KCNMB2: variants seen among roughly 807,000 people sequenced by gnomAD.
The protein encoded by KCNMB2 is potassium calcium-activated channel subfamily M regulatory beta subunit 2.
A neutral mutation model predicts 24.5 loss-of-function variants in KCNMB2; 9 were observed. That is an observed-to-expected ratio of 0.37 (90% CI 0.22 to 0.64). The LOEUF (loss-of-function observed/expected upper bound fraction) is 0.64. Ranked by LOEUF, KCNMB2 falls within the 30% of genes least tolerant of loss-of-function variation. The probability of loss-of-function intolerance (pLI) is 0.63; values close to 1 mark genes in which losing one functional copy is unlikely to be tolerated. For missense variants in KCNMB2, 226 were observed against 284.3 expected, an observed-to-expected ratio of 0.79 and a Z score of 1.47; for synonymous variants, 109 against 104.4, an observed-to-expected ratio of 1.04 and a Z score of -0.27.
chr3:178,744,785 C>A (rs897722284), intron 1 of KCNMB2, among the ~76,000 whole-genome samples: 1 of 152,144 alleles, frequency 6.6e-6, no homozygotes, highest in African/African-American at 2.4e-5. Context: ...AGCCATAAAT[C>A]CCCACAGCCT....
intron 1 of KCNMB2, among the ~76,000 whole-genome samples, chr3:178,653,001 C>T (rs1380588072): frequency 6.6e-6 from 1 of 152,030 alleles, no homozygotes; most frequent in Admixed American, 6.6e-5. Context: ...TAAGATTACC[C>T]TAAAATTTTT....
At chr3:178,841,547 T>C (rs1371109833) in intron 4 of KCNMB2, 1 of 152,206 alleles carries the variant, frequency 6.6e-6, no homozygotes, top group Non-Finnish European at 1.5e-5. Context: ...TAACTCACAG[T>C]TCCACATGGA....
At chr3:178,671,231 A>T (rs186086534) in intron 1 of KCNMB2, among the ~76,000 whole-genome samples, 31 of 152,102 alleles carry the variant, frequency 2.0e-4, no homozygotes, top group African/African-American at 6.8e-4. Flanking sequence ...GTTTCCAAAA[A>T]CTTCTAGGCC....
At chr3:178,539,470 T>C (rs888077493) in intron 1 of KCNMB2, among the ~76,000 whole-genome samples, 19 of 152,154 alleles carry the variant, frequency 1.2e-4, no homozygotes, top group Admixed American at 9.8e-4. Flanking sequence ...GAATAAGACA[T>C]ATCATAAAAG....
intron 1 of KCNMB2, among the ~76,000 whole-genome samples, chr3:178,597,656 A>T (rs1321990314): frequency 6.6e-6 from 1 of 152,174 alleles, no homozygotes; most frequent in Non-Finnish European, 1.5e-5. Context: ...AACTGCATTA[A>T]GACTCCTGAA....
At chr3:178,841,099 G>T (rs1433868800) in intron 4 of KCNMB2, among the ~76,000 whole-genome samples, 1 of 152,162 alleles carries the variant, frequency 6.6e-6, no homozygotes, top group African/African-American at 2.4e-5. Flanking sequence ...AATTTCTTCT[G>T]TCAGATATCC....
At chr3:178,545,409 G>A (rs894847801) in intron 1 of KCNMB2, among the ~76,000 whole-genome samples, 3 of 152,178 alleles carry the variant, frequency 2.0e-5, no homozygotes, top group Non-Finnish European at 2.9e-5. Flanking sequence ...GCTGGTAAAG[G>A]TCAAGCACCT....
At chr3:178,562,432 G>C (rs187257305) in intron 1 of KCNMB2, among the ~76,000 whole-genome samples, 166 of 152,302 alleles carry the variant, frequency 1.1e-3, no homozygotes, top group African/African-American at 3.7e-3. Flanking sequence ...TTACAGCTAA[G>C]TGGTAGCGGT....
chr3:178,736,071 G>A (rs1723306914), intron 1 of KCNMB2, among the ~76,000 whole-genome samples: 1 of 152,156 alleles, frequency 6.6e-6, no homozygotes, highest in African/African-American at 2.4e-5. Context: ...GGAGACACAA[G>A]GATTGCCCTG....
chr3:178,553,683 G>A (rs894056178), intron 1 of KCNMB2, among the ~76,000 whole-genome samples: 9 of 151,958 alleles, frequency 5.9e-5, no homozygotes, highest in African/African-American at 1.9e-4. Context: ...GATTATGGGC[G>A]CGCATGCTAT....
chr3:178,542,472 A>T (rs184672141), intron 1 of KCNMB2, among the ~76,000 whole-genome samples: 1 of 152,346 alleles, frequency 6.6e-6, no homozygotes, highest in African/African-American at 2.4e-5. Context: ...CTTCCATTGA[A>T]CAGATAAGAA....
At position 178,591,700 on chromosome 3, in the gene KCNMB2, C is replaced by T. The variant is rs528396859; in HGVS notation, c.-68+54989C>T. The stretch of plus-strand genomic sequence containing the variant: ...GGCAGCTTGGCCTTCAGAGAATAAG[C>T]GCTGGTCCCTAGGCTCCTAAGTTTA... On this transcript the variant is annotated intron_variant, in intron 1 of 4. Coordinates refer to ENST00000452583, the MANE Select transcript of KCNMB2 (RefSeq NM_181361.3). Among the ~76,000 whole-genome samples, 396 of 152,230 alleles carry T rather than the reference C, an allele frequency of 2.6e-3. 2 individuals are homozygous for T. The highest frequency in any genetic ancestry group is 4.4e-3 in the Non-Finnish European group (299 of 68,010).
intron 1 of KCNMB2, among the ~76,000 whole-genome samples, chr3:178,564,459 G>A (rs1483448201): frequency 6.6e-6 from 1 of 152,130 alleles, no homozygotes; most frequent in African/African-American, 2.4e-5. Context: ...GAAAAATTGA[G>A]AGGAAAAATC....
Position 178,655,130 on chromosome 3 carries a change from CTCTCTCTCTCTCTA to C in KCNMB2, c.-68+118425_-68+118438del, listed in dbSNP as rs1179275574. On this transcript the variant is annotated intron_variant, in intron 1 of 4. Coordinates refer to ENST00000452583, the MANE Select transcript of KCNMB2 (RefSeq NM_181361.3). ...TCTCTCTCTCTCTCTCTCTCTCTCT[CTCTCTCTCTCTCTA>C]TCTCTATTTCTCTGGGACTTAGTGA... is the stretch of plus-strand genomic sequence containing the variant. Among the ~76,000 whole-genome samples the C allele has an allele frequency of 3.5e-3, 520 of 150,062 alleles. 3 individuals carry two copies. Among genetic ancestry groups the C allele is most frequent in the African/African-American group, 0.013 (501 of 40,036 alleles).
intron 1 of KCNMB2, among the ~76,000 whole-genome samples, chr3:178,605,625 CAG>C (rs1413035242): frequency 6.6e-6 from 1 of 152,018 alleles, no homozygotes; most frequent in Non-Finnish European, 1.5e-5. Context: ...GTATCATGAA[CAG>C]AATATTGGTA....
intron 2 of KCNMB2, among the ~76,000 whole-genome samples, chr3:178,810,073 T>C (rs963663135): frequency 2.6e-5 from 4 of 152,158 alleles, no homozygotes; most frequent in African/African-American, 9.7e-5. Context: ...TCTTGGAAGA[T>C]ATGACTCAGA....
chr3:178,774,006 T>C, intron 1 of KCNMB2, among the ~76,000 whole-genome samples: 1 of 152,224 alleles, frequency 6.6e-6, no homozygotes, highest in East Asian at 1.9e-4. Flanking sequence ...GGTCTGAGCA[T>C]TGGTGTCTGG....
intron 1 of KCNMB2, among the ~76,000 whole-genome samples, chr3:178,680,095 C>A (rs1049821362): frequency 2.0e-5 from 3 of 152,084 alleles, no homozygotes; most frequent in Admixed American, 6.6e-5. Context: ...CTCTGGAGCA[C>A]CCCTCTGCGC....
chr3:178,793,901 A>C (rs76837657), intron 1 of KCNMB2, among the ~76,000 whole-genome samples: 21,268 of 152,034 alleles, frequency 0.14, 1,827 homozygotes, highest in Non-Finnish European at 0.19. Context: ...TCAAAAAACA[A>C]AGATAAAGGG....
Sources: gnomAD v4.1 joint callset for allele counts (sites outside exome capture counted in the v4.1 genomes callset) on GRCh38, gnomAD v4.1.1 for gene constraint, MANE v1.5 for transcripts, NCBI Gene and HGNC (gene_info 2026-07-23, HGNC 2026-07-21) for gene names.